Variants in TPRG1 observed in about 807,000 individuals in gnomAD.
TPRG1 encodes tumor protein p63 regulated 1, also known as tumor protein p63-regulated gene 1 protein.
Under a neutral mutation model 29.3 loss-of-function variants are expected in TPRG1, and 29 were observed. The observed-to-expected ratio is 0.99, with a 90% CI of 0.74 to 1.35. The LOEUF is 1.35. Among genes scored for constraint, TPRG1 ranks in the 40% most tolerant of loss-of-function variants. The pLI is 0.00. For missense variants in TPRG1, 327 were observed against 335.0 expected (o/e 0.98, Z 0.19); for synonymous variants, 130 against 116.8 (o/e 1.11, Z -0.73).
At chr3:189,134,400 A>C (rs1723470339) in intron 3 of TPRG1, among the ~76,000 whole-genome samples, 1 of 122,230 alleles carries the variant, frequency 8.2e-6, no homozygotes, top group African/African-American at 3.2e-5. Flanking sequence ...CAGTGGGGGT[A>C]TCCTTTTTTT....
At chr3:189,285,759 G>A (rs912625952) in intron 4 of TPRG1, among the ~76,000 whole-genome samples, 1 of 152,134 alleles carries the variant, frequency 6.6e-6, no homozygotes, top group Non-Finnish European at 1.5e-5. Context: ...CCTACAACTC[G>A]AATTGTCCAG....
chr3:189,061,153 C>A (rs1028802114), intron 4 of TPRG1, among the ~76,000 whole-genome samples: 1 of 152,136 alleles, frequency 6.6e-6, no homozygotes, highest in Non-Finnish European at 1.5e-5. Flanking sequence ...ACATTCACAA[C>A]CATTTGATCT....
chr3:189,158,086 A>G (rs1020274071), intron 5 of TPRG1, among the ~76,000 whole-genome samples: 11 of 152,228 alleles, frequency 7.2e-5, no homozygotes, highest in Non-Finnish European at 1.2e-4. Flanking sequence ...CAAATCTTTT[A>G]TAGTCAAAAA....
chr3:189,247,732 C>T (rs1355862459), intron 4 of TPRG1, among the ~76,000 whole-genome samples: 3 of 151,822 alleles, frequency 2.0e-5, no homozygotes, highest in African/African-American at 7.3e-5. Flanking sequence ...TTTTATCAAA[C>T]GTTTTTGCTG....
chr3:189,308,966 A>T (rs1488522528), intron 4 of TPRG1, among the ~76,000 whole-genome samples: 4 of 151,540 alleles, frequency 2.6e-5, no homozygotes, highest in African/African-American at 9.7e-5. Flanking sequence ...GGGAGAAAGA[A>T]AACTTTAGAG....
chr3:189,324,366 G>A lies in TPRG1; in HGVS notation c.*3546G>A, dbSNP rs1046355417. ...CTACATTTTCCAATTTCTATCCCTA[G>A]CCCACTGCTCTTTCCAATATAATAT... On this transcript the variant is annotated 3_prime_UTR_variant, in exon 6 of 6. Coordinates refer to ENST00000345063, the MANE Select transcript of TPRG1 (RefSeq NM_198485.4). 3.9e-5 allele frequency: 6 copies of A among 152,092 alleles called. No individual in the cohort carries two copies. Among genetic ancestry groups the A allele is most frequent in the African/African-American group, 1.4e-4 (6 of 41,408 alleles). The allele number at this position is 152,092 out of a possible 1,614,324, so 9.4% of individuals were successfully genotyped here.
rs770642820 is a variant in TPRG1 at position 189,238,864 on chromosome 3, G to T, written c.434G>T (p.Arg145Leu). ...LQRIPLSAVYRICLGKFTFPG... is the reference protein window; with the variant it reads ...LQRIPLSAVYLICLGKFTFPG... Reference sequence around the variant, plus strand: ...CGGATTCCTCTGAGCGCTGTCTATCGCATCTGCCTGGGCAAGTTCACCTTC... The same window carrying T: ...CGGATTCCTCTGAGCGCTGTCTATCTCATCTGCCTGGGCAAGTTCACCTTC... Residue 145 changes from arginine (R) to leucine (L), a missense_variant, in exon 4 of 6, where the codon CGC becomes CTC. Physicochemically the swap from Arg to Leu is moderately radical, Grantham distance 102 (BLOSUM62 -2). Coordinates refer to ENST00000345063, the MANE Select transcript of TPRG1 (RefSeq NM_198485.4). 9 of 1,613,446 alleles carry T rather than the reference G, an allele frequency of 5.6e-6. No individual in the cohort carries two copies. Among genetic ancestry groups the T allele is most frequent in the Non-Finnish European group, 7.6e-6 (9 of 1,179,602 alleles).
intron 1 of TPRG1, among the ~76,000 whole-genome samples, chr3:189,195,981 G>C (rs185928655): frequency 2.9e-3 from 440 of 152,284 alleles, no homozygotes; most frequent in Non-Finnish European, 4.7e-3. Context: ...TTTGTAAAGA[G>C]TAGAGTGCTA....
chr3:189,088,808 A>G (rs137898852), intron 4 of TPRG1, among the ~76,000 whole-genome samples: 2,620 of 152,270 alleles, frequency 0.017, 64 homozygotes, highest in African/African-American at 0.058. Context: ...TCAAATTAAC[A>G]TCTGTTGCTG....
At chr3:189,206,755 A>ACTC (rs1438851189) in intron 1 of TPRG1, among the ~76,000 whole-genome samples, 3 of 150,592 alleles carry the variant, frequency 2.0e-5, no homozygotes, top group Non-Finnish European at 2.9e-5. Flanking sequence ...CCAGCCTCAG[A>ACTC]CTCCTAGAAT....
chr3:189,029,390 T>G (rs1487766695), intron 4 of TPRG1, among the ~76,000 whole-genome samples: 1 of 152,138 alleles, frequency 6.6e-6, no homozygotes, highest in Non-Finnish European at 1.5e-5. Flanking sequence ...CCATGTAAAT[T>G]AACATCAATA....
intron 1 of TPRG1, among the ~76,000 whole-genome samples, chr3:189,118,976 C>G (rs2108501539): frequency 6.6e-6 from 1 of 152,322 alleles, no homozygotes; most frequent in South Asian, 2.1e-4. Flanking sequence ...CTGCAGACCC[C>G]AGAATGGGAG....
At chr3:189,085,993 C>T (rs890765062) in intron 4 of TPRG1, among the ~76,000 whole-genome samples, 1 of 152,142 alleles carries the variant, frequency 6.6e-6, no homozygotes, top group Non-Finnish European at 1.5e-5. Flanking sequence ...CTCACACCAT[C>T]GCAAGATGAA....
At chr3:189,083,072 AG>A (rs1410824248) in intron 4 of TPRG1, among the ~76,000 whole-genome samples, 1 of 152,004 alleles carries the variant, frequency 6.6e-6, no homozygotes. Context: ...TGCTATAATT[AG>A]TGGGGGCTGT....
chr3:189,243,962 T>G (rs1579007674), intron 4 of TPRG1, among the ~76,000 whole-genome samples: 1 of 152,192 alleles, frequency 6.6e-6, no homozygotes, highest in Non-Finnish European at 1.5e-5. Context: ...CTCATCCTCC[T>G]GTCTTCTTCT....
chr3:189,283,205 T>C (rs1191435064), intron 4 of TPRG1, among the ~76,000 whole-genome samples: 1 of 152,228 alleles, frequency 6.6e-6, no homozygotes, highest in African/African-American at 2.4e-5. Flanking sequence ...TTTTCATGCT[T>C]ACATAAAACC....
intron 5 of TPRG1, among the ~76,000 whole-genome samples, chr3:189,159,673 G>C (rs939581479): frequency 6.6e-6 from 1 of 152,172 alleles, no homozygotes; most frequent in Non-Finnish European, 1.5e-5. Context: ...TCAGTGGCTG[G>C]TGTGGTTTAA....
intron 4 of TPRG1, among the ~76,000 whole-genome samples, chr3:189,057,837 T>C (rs140760271): frequency 0.087 from 12,172 of 139,952 alleles, 711 homozygotes; most frequent in East Asian, 0.26. Flanking sequence ...TACACACATA[T>C]GTATGTGTGT....
Position 189,078,091 on chromosome 3 carries a change from CTCTTTCTTTCTTTCTT to C in TPRG1, c.-462-48935_-462-48920del, listed in dbSNP as rs67070787. ...CTCCTTTCTCTCTTTCTCTCTTTCT[CTCTTTCTTTCTTTCTT>C]TCTTTCTTTCTTTCTTTCTTTCTTT... On this transcript the variant is annotated intron_variant, in intron 4 of 10. Transcript: ENST00000433971. Among the ~76,000 whole-genome samples, 842 of 85,152 alleles carry C rather than the reference CTCTTTCTTTCTTTCTT, an allele frequency of 9.9e-3. 5 individuals carry two copies. The highest frequency in any genetic ancestry group is 0.034 in the South Asian group (74 of 2,146). 55.9% of individuals were successfully genotyped at this position (85,152 alleles called of 152,430 possible).
Sources: allele counts gnomAD v4.1 joint callset (sites outside exome capture counted in the v4.1 genomes callset), GRCh38; gene constraint gnomAD v4.1.1; transcripts MANE v1.5; gene names NCBI Gene and HGNC (gene_info 2026-07-23, HGNC 2026-07-21).